The following CREB5 variants were observed in gnomAD, a reference collection of about 807,000 sequenced individuals.
The protein encoded by CREB5 is cyclic AMP-responsive element-binding protein 5.
Under a neutral mutation model 57.1 loss-of-function variants are expected in CREB5, and 19 were observed. That is an observed-to-expected ratio of 0.33 (90% confidence interval 0.23 to 0.49). The LOEUF (loss-of-function observed/expected upper bound fraction) is 0.49. Among genes scored for constraint, CREB5 ranks in the 20% least tolerant of loss-of-function variants. The pLI, the probability that CREB5 is intolerant of heterozygous loss-of-function variation, is 0.99. For synonymous variants in CREB5, 238 were observed against 238.3 expected (o/e 1.00, Z 0.01); for missense variants, 579 against 671.6 (o/e 0.86, Z 1.52).
intron 5 of CREB5, among the ~76,000 whole-genome samples, chr7:28,679,148 T>C (rs1167090387): frequency 6.6e-6 from 1 of 150,718 alleles, no homozygotes; most frequent in Non-Finnish European, 1.5e-5. Context: ...TAAGTAATCC[T>C]TTTCTGAGGG....
At chr7:28,397,664 A>G (rs1787367404) in intron 1 of CREB5, among the ~76,000 whole-genome samples, 1 of 152,210 alleles carries the variant, frequency 6.6e-6, no homozygotes, top group African/African-American at 2.4e-5. Flanking sequence ...AATCTGACAA[A>G]TGGAGGACTA....
intron 5 of CREB5, among the ~76,000 whole-genome samples, chr7:28,693,697 C>T (rs989637236): frequency 6.6e-6 from 1 of 152,148 alleles, no homozygotes; most frequent in Non-Finnish European, 1.5e-5. Context: ...TGATTTTTGA[C>T]AATCTATTGA....
chr7:28,584,780 T>TA (rs57520355), intron 5 of CREB5, among the ~76,000 whole-genome samples: 16,200 of 145,336 alleles, frequency 0.11, 950 homozygotes, highest in South Asian at 0.17. Context: ...GAATCGTGGT[T>TA]AAAAAAAAAA....
intron 7 of CREB5, among the ~76,000 whole-genome samples, chr7:28,798,122 A>C (rs1808154737): frequency 6.6e-6 from 1 of 152,002 alleles, no homozygotes; most frequent in Admixed American, 6.6e-5. Context: ...ATACTTTCAC[A>C]TTTTTTTTCT....
chr7:28,535,521 C>G (rs1793918100), intron 4 of CREB5, among the ~76,000 whole-genome samples: 1 of 139,114 alleles, frequency 7.2e-6, no homozygotes, highest in Non-Finnish European at 1.6e-5. Context: ...CCTTACTTTC[C>G]TTCACTTATG....
At chr7:28,337,213 A>C (rs531230430) in intron 1 of CREB5, among the ~76,000 whole-genome samples, 6 of 152,120 alleles carry the variant, frequency 3.9e-5, no homozygotes, top group Admixed American at 3.3e-4. Context: ...AGGGTCAGTT[A>C]ATCTACAGTG....
intron 9 of CREB5, 78 bp downstream of exon 9, chr7:28,809,492 T>C: frequency 5.2e-6 from 7 of 1,352,050 alleles, no homozygotes; most frequent in Non-Finnish European, 7.1e-6. Flanking sequence ...CAGGCACTTG[T>C]TGACCTAAGC....
At chr7:28,679,765 T>C (rs1293864863) in intron 5 of CREB5, among the ~76,000 whole-genome samples, 1 of 152,192 alleles carries the variant, frequency 6.6e-6, no homozygotes, top group African/African-American at 2.4e-5. Context: ...ACCTGGATTA[T>C]AAAAGGTGTT....
intron 7 of CREB5, among the ~76,000 whole-genome samples, chr7:28,765,881 C>T (rs565748970): frequency 2.6e-4 from 40 of 152,318 alleles, no homozygotes; most frequent in Non-Finnish European, 4.6e-4. Context: ...AGAACTGCAG[C>T]TATTGCCCGT....
chr7:28,630,775 A>T (rs769958235), intron 5 of CREB5, among the ~76,000 whole-genome samples: 2 of 152,158 alleles, frequency 1.3e-5, no homozygotes, highest in Non-Finnish European at 2.9e-5. Flanking sequence ...TTCTACTTTG[A>T]TCACCACCCT....
chr7:28,677,519 AC>A (rs1222945492), intron 5 of CREB5, among the ~76,000 whole-genome samples: 1 of 152,114 alleles, frequency 6.6e-6, no homozygotes, highest in Non-Finnish European at 1.5e-5. Context: ...GCTTTTCTTT[AC>A]CTGTAAAAGA....
intron 5 of CREB5, among the ~76,000 whole-genome samples, chr7:28,668,205 C>A (rs1238404915): frequency 6.6e-6 from 1 of 152,116 alleles, no homozygotes; most frequent in African/African-American, 2.4e-5. Flanking sequence ...CATGACCTCA[C>A]TTTATGCTGT....
chr7:28,436,223 G>A (rs1452573505), intron 1 of CREB5, among the ~76,000 whole-genome samples: 1 of 152,018 alleles, frequency 6.6e-6, no homozygotes. Context: ...TCTTGCCCTT[G>A]TGGCTCAAGC....
chr7:28,427,565 A>T (rs1562709191), intron 1 of CREB5, among the ~76,000 whole-genome samples: 1 of 152,160 alleles, frequency 6.6e-6, no homozygotes. Flanking sequence ...TGTTTTGGAT[A>T]CGCTCACACT....
rs138949933 is a variant in CREB5 at position 28,459,699 on chromosome 7, G to A, written c.4-28476G>A. On this transcript the variant is annotated intron_variant, in intron 1 of 10. Coordinates refer to ENST00000357727, the MANE Select transcript of CREB5 (RefSeq NM_182898.4). The stretch of plus-strand genomic sequence containing the variant: ...CTGTGTAAAGGTGGGAAGGCAGGGT[G>A]ACGTAAGGGGGTGCAGAGATTCCCA... 3.2e-3 allele frequency among the ~76,000 whole-genome samples: 491 copies of A among 152,340 alleles called. 1 individual carries two copies. The highest frequency in any genetic ancestry group is 0.01 in the Middle Eastern group (3 of 294).
At position 28,534,332 on chromosome 7, in the gene CREB5, G is replaced by T. The variant is rs187676733; in HGVS notation, c.291+26595G>T. ...TCTAGGAAGGGCAATAGATGCTCTG[G>T]CCTCTGTGTCTCAGCCCACCCTGCG... is the stretch of plus-strand genomic sequence containing the variant. On this transcript the variant is annotated intron_variant, in intron 4 of 10. Transcript: ENST00000357727. Among the ~76,000 whole-genome samples the T allele has an allele frequency of 1.9e-3, 292 of 152,272 alleles. 2 individuals carry two copies. Among genetic ancestry groups the T allele is most frequent in the South Asian group, 9.3e-3 (45 of 4,834 alleles).
chr7:28,753,379 TACAC>T (rs140459249), intron 7 of CREB5, among the ~76,000 whole-genome samples: 5 of 151,300 alleles, frequency 3.3e-5, no homozygotes, highest in Non-Finnish European at 7.4e-5. Flanking sequence ...CGTGCATGCA[TACAC>T]ACACACACAC....
At chr7:28,608,755 G>A (rs1033064557) in intron 5 of CREB5, among the ~76,000 whole-genome samples, 1 of 152,204 alleles carries the variant, frequency 6.6e-6, no homozygotes, top group Non-Finnish European at 1.5e-5. Flanking sequence ...CAACTTGATG[G>A]TTGACATGTG....
chr7:28,357,401 A>G (rs575583445), intron 1 of CREB5, among the ~76,000 whole-genome samples: 34 of 152,312 alleles, frequency 2.2e-4, no homozygotes, highest in Admixed American at 4.6e-4. Context: ...ACCTGCCCAT[A>G]TAACTTGTTG....
Sources: allele counts gnomAD v4.1 joint callset (sites outside exome capture counted in the v4.1 genomes callset), GRCh38; gene constraint gnomAD v4.1.1; transcripts MANE v1.5; gene names NCBI Gene and HGNC (gene_info 2026-07-23, HGNC 2026-07-21).